The following NUFIP1 variants were observed in gnomAD, a reference collection of about 807,000 sequenced individuals.
The protein encoded by NUFIP1 is FMR1-interacting protein NUFIP1.
A neutral mutation model predicts 56.2 loss-of-function variants in NUFIP1; 38 were observed. That is an observed-to-expected ratio of 0.68 (90% CI 0.52 to 0.89). The LOEUF (loss-of-function observed/expected upper bound fraction) is 0.89, where lower values mean the gene tolerates loss of function less well. Among genes scored for constraint, NUFIP1 ranks in the 40% least tolerant of loss-of-function variants. The pLI, the probability that NUFIP1 is intolerant of heterozygous loss-of-function variation, is 0.00. For missense variants in NUFIP1, 567 were observed against 605.8 expected, an observed-to-expected ratio of 0.94 and a Z score of 0.67; for synonymous variants, 215 against 212.4, an observed-to-expected ratio of 1.01 and a Z score of -0.10.
chr13:44,975,235 T>C (rs1871929997), intron 5 of NUFIP1, among the ~76,000 whole-genome samples: 1 of 152,136 alleles, frequency 6.6e-6, no homozygotes. Flanking sequence ...ATCTGTTCCA[T>C]ATTCCCAGTT....
intron 2 of NUFIP1, among the ~76,000 whole-genome samples, chr13:44,981,075 G>T (rs978602755): frequency 3.3e-5 from 5 of 152,062 alleles, no homozygotes; most frequent in African/African-American, 4.8e-5. Flanking sequence ...TATAAATTAT[G>T]AGCAGATTGC....
chr13:44,989,046 G>A lies in NUFIP1; in HGVS notation c.391C>T (p.Gln131Ter). The change falls in exon 1 of 10, where the codon CAG (glutamine) becomes TAG (stop). Residue 131 changes from glutamine (Q) to a stop codon, truncating the protein, a stop_gained. Coordinates refer to ENST00000379161, the MANE Select transcript of NUFIP1 (RefSeq NM_012345.3). LOFTEE classifies it high-confidence loss of function. Reference protein sequence around the residue: ...RQSSDRFPRHQKSFNPAVKNS... With the variant: ...RQSSDRFPRH ...CTACCTGCAGGGTTGAAGGACTTCT[G>A]ATGCCGAGGAAACCTATCAGAAGAC... 6.2e-7 allele frequency: 1 copy of A among 1,614,088 alleles called. No individual in the cohort carries two copies. The highest frequency in any genetic ancestry group is 1.7e-5 in the Admixed American group (1 of 60,026).
chr13:44,948,141 CTTTTTTTTTTTT>C (rs61398364), intron 8 of NUFIP1, among the ~76,000 whole-genome samples: 3 of 120,858 alleles, frequency 2.5e-5, no homozygotes, highest in Non-Finnish European at 3.3e-5. Flanking sequence ...ACTACATTTC[CTTTTTTTTTTTT>C]TTTTTTTTTG....
intron 1 of NUFIP1, among the ~76,000 whole-genome samples, chr13:44,985,193 CT>C (rs1160480685): frequency 6.6e-6 from 1 of 152,194 alleles, no homozygotes; most frequent in East Asian, 1.9e-4. Context: ...AGACTAATAG[CT>C]AAAAGCCTAT....
intron 7 of NUFIP1, among the ~76,000 whole-genome samples, chr13:44,957,366 C>G (rs905129137): frequency 1.3e-5 from 2 of 152,186 alleles, no homozygotes; most frequent in Non-Finnish European, 2.9e-5. Context: ...CATGCACCAT[C>G]ACACCCGGCT....
chr13:44,976,046 G>A (rs907974421), intron 5 of NUFIP1, among the ~76,000 whole-genome samples: 1 of 152,070 alleles, frequency 6.6e-6, no homozygotes, highest in Non-Finnish European at 1.5e-5. Flanking sequence ...CCCCTCAAGA[G>A]AATTAAACAT....
At chr13:44,978,115 T>C (rs1474299697) in intron 5 of NUFIP1, among the ~76,000 whole-genome samples, 3 of 152,234 alleles carry the variant, frequency 2.0e-5, no homozygotes, top group Admixed American at 2.0e-4. Context: ...ACAGTATTAA[T>C]ACCTGATACA....
intron 6 of NUFIP1, among the ~76,000 whole-genome samples, chr13:44,965,074 TG>T (rs549693736): frequency 3.3e-5 from 5 of 152,166 alleles, no homozygotes; most frequent in Non-Finnish European, 7.4e-5. Flanking sequence ...CCACATGTCA[TG>T]GGAGGAACCA....
intron 6 of NUFIP1, among the ~76,000 whole-genome samples, chr13:44,960,228 C>T (rs772976050): frequency 4.0e-5 from 6 of 151,682 alleles, no homozygotes; most frequent in African/African-American, 1.2e-4. Flanking sequence ...CTGTGCCCAG[C>T]TCAAAGTGTT....
At chr13:44,981,080 G>A (rs1872172584) in intron 2 of NUFIP1, among the ~76,000 whole-genome samples, 1 of 152,110 alleles carries the variant, frequency 6.6e-6, no homozygotes, top group Non-Finnish European at 1.5e-5. Flanking sequence ...ATTATGAGCA[G>A]ATTGCAAATT....
At chr13:44,964,732 C>T (rs543453240) in intron 6 of NUFIP1, among the ~76,000 whole-genome samples, 1 of 152,058 alleles carries the variant, frequency 6.6e-6, no homozygotes, top group African/African-American at 2.4e-5. Context: ...AAAAACGACC[C>T]AAAAGGATCA....
chr13:44,966,790 G>A (rs1274468646), intron 5 of NUFIP1, among the ~76,000 whole-genome samples: 4 of 151,454 alleles, frequency 2.6e-5, no homozygotes, highest in East Asian at 2.0e-4. Context: ...CTTGACCTAC[G>A]TAGTGAAATA....
intron 6 of NUFIP1, among the ~76,000 whole-genome samples, chr13:44,960,983 G>A (rs1486268880): frequency 6.6e-6 from 1 of 151,296 alleles, no homozygotes; most frequent in Non-Finnish European, 1.5e-5. Context: ...AACTCGGGAG[G>A]TGGAAGTCAC....
intron 8 of NUFIP1, among the ~76,000 whole-genome samples, chr13:44,944,851 GAAAT>G (rs1435014191): frequency 1.3e-5 from 2 of 151,924 alleles, no homozygotes; most frequent in African/African-American, 2.4e-5. Context: ...GAAATATTTT[GAAAT>G]AAATAAAAAT....
chr13:44,947,291 T>C (rs900551072), intron 8 of NUFIP1, among the ~76,000 whole-genome samples: 1 of 144,406 alleles, frequency 6.9e-6, no homozygotes, highest in Non-Finnish European at 1.5e-5. Flanking sequence ...CAGGCTGGAG[T>C]GCAGTGGTGC....
chr13:44,967,988 C>A (rs1258446421), intron 5 of NUFIP1, among the ~76,000 whole-genome samples: 1 of 151,602 alleles, frequency 6.6e-6, no homozygotes, highest in East Asian at 1.9e-4. Context: ...GCAACACTGA[C>A]TTGAATAGCA....
At position 44,940,416 on chromosome 13, in the gene NUFIP1, T is replaced by C. The variant is rs1243079925; in HGVS notation, c.*790A>G. 4 of 152,258 alleles carry C rather than the reference T, an allele frequency of 2.6e-5. No individual in the cohort carries two copies. Among genetic ancestry groups the C allele is most frequent in the African/African-American group, 9.6e-5 (4 of 41,470 alleles). 9.4% of individuals were successfully genotyped at this position (152,258 alleles called of 1,614,324 possible). A position where few individuals can be genotyped will look rare whatever the true frequency, so the allele number is the denominator to read the frequency against. ...GTTAGGAAAAGTTAATCTTCAACTA[T>C]AACAAACTAATTTTTTACAAATTTA... is the stretch of plus-strand genomic sequence containing the variant. On this transcript the variant is annotated 3_prime_UTR_variant, in exon 10 of 10. Coordinates refer to ENST00000379161, the MANE Select transcript of NUFIP1 (RefSeq NM_012345.3).
intron 6 of NUFIP1, among the ~76,000 whole-genome samples, chr13:44,961,816 C>T (rs990892500): frequency 1.2e-4 from 18 of 152,262 alleles, no homozygotes; most frequent in South Asian, 8.3e-4. Flanking sequence ...AGCATCTGAC[C>T]ACAGCTAGCT....
chr13:44,970,936 A>C (rs1871782719), intron 5 of NUFIP1, among the ~76,000 whole-genome samples: 1 of 152,192 alleles, frequency 6.6e-6, no homozygotes, highest in Admixed American at 6.5e-5. Flanking sequence ...TTGGCCTCCC[A>C]AAGGGCTGGG....
Sources: gnomAD v4.1 joint callset for allele counts (sites outside exome capture counted in the v4.1 genomes callset) on GRCh38, gnomAD v4.1.1 for gene constraint, MANE v1.5 for transcripts, NCBI Gene and HGNC (gene_info 2026-07-23, HGNC 2026-07-21) for gene names.